Variants in UTRN observed in about 807,000 individuals in gnomAD.
UTRN encodes the protein utrophin, also known as dystrophin-related protein 1.
A neutral mutation model predicts 463.9 loss-of-function variants in UTRN; 283 were observed. The ratio of observed to expected loss-of-function variants is 0.61; its 90% CI spans 0.55 to 0.67. The LOEUF (loss-of-function observed/expected upper bound fraction) is 0.67. Among genes scored for constraint, UTRN ranks in the 30% least tolerant of loss-of-function variants. UTRN has a pLI of 0.00. For synonymous variants in UTRN, 1,442 were observed against 1,431.5 expected (o/e 1.01, Z -0.17); for missense variants, 3,922 against 4,084.3 (o/e 0.96, Z 1.08).
At chr6:144,444,431 C>T in intron 14 of UTRN, 49 bp downstream of exon 14, 4 of 1,428,182 alleles carry the variant, frequency 2.8e-6, no homozygotes, top group East Asian at 2.5e-5. Context: ...GAAAAGTAAC[C>T]CATCTTTTAT....
chr6:144,663,666 G>T (rs1481075663), intron 51 of UTRN, among the ~76,000 whole-genome samples: 1 of 152,086 alleles, frequency 6.6e-6, no homozygotes, highest in East Asian at 1.9e-4. Flanking sequence ...GTATGTGTCT[G>T]CTGTGTGTGT....
intron 2 of UTRN, among the ~76,000 whole-genome samples, chr6:144,311,293 T>C (rs746639361): frequency 7.9e-5 from 12 of 152,234 alleles, no homozygotes; most frequent in Non-Finnish European, 1.5e-4. Flanking sequence ...AATGTGACGA[T>C]GCATTGCTGA....
chr6:144,627,241 G>A (rs576955067), intron 51 of UTRN, among the ~76,000 whole-genome samples: 11 of 152,268 alleles, frequency 7.2e-5, no homozygotes, highest in African/African-American at 1.9e-4. Flanking sequence ...TTGCACAAGG[G>A]CATTACATCT....
Position 144,711,089 on chromosome 6 carries a change from G to A in UTRN, c.7809+10846G>A, listed in dbSNP as rs117668996. ...TCCCAGCACTTTGGGAAGCCGAGGC[G>A]GGTGGATCACTTGAGGCCAGGAGTT... is the stretch of plus-strand genomic sequence containing the variant. On this transcript the variant is annotated intron_variant, in intron 53 of 74. Coordinates refer to ENST00000367545, the MANE Select transcript of UTRN (RefSeq NM_007124.3). Among the ~76,000 whole-genome samples, 711 of 152,232 alleles carry A rather than the reference G, an allele frequency of 4.7e-3. 32 individuals are homozygous for A. The East Asian group carries it at 0.095, about 20-fold the overall frequency.
At position 144,631,237 on chromosome 6, in the gene UTRN, GGTGTGT is replaced by G. The variant is rs67332744; in HGVS notation, c.7480-47140_7480-47135del. ...TGAGTGTGTGTGTGTGAGAGAGAGA[GGTGTGT>G]GTGTGTGTGTGTGTGTGTGTGTGTG... On this transcript the variant is annotated intron_variant, in intron 51 of 74. Coordinates refer to ENST00000367545, the MANE Select transcript of UTRN (RefSeq NM_007124.3). Among the ~76,000 whole-genome samples the G allele has an allele frequency of 2.8e-3, 407 of 147,518 alleles. 2 individuals are homozygous for G. Among genetic ancestry groups the G allele is most frequent in the East Asian group, 5.5e-3 (28 of 5,050 alleles).
intron 2 of UTRN, among the ~76,000 whole-genome samples, chr6:144,302,187 C>T (rs755721813): frequency 5.9e-5 from 9 of 152,100 alleles, no homozygotes; most frequent in Non-Finnish European, 1.2e-4. Context: ...TAGCCTTTAG[C>T]TTAGTCTCCA....
chr6:144,670,681 T>G (rs1194117222), intron 51 of UTRN, among the ~76,000 whole-genome samples: 2 of 152,204 alleles, frequency 1.3e-5, no homozygotes, highest in East Asian at 3.8e-4. Context: ...TGCATTTGCT[T>G]TTGGGTTCTT....
intron 69 of UTRN, among the ~76,000 whole-genome samples, chr6:144,832,982 A>G (rs868382262): frequency 5.9e-5 from 9 of 151,978 alleles, no homozygotes; most frequent in Middle Eastern, 3.4e-3. Context: ...ACCAAGCCCA[A>G]CTAATTTTTG....
chr6:144,788,434 G>T (rs184890881), intron 61 of UTRN, among the ~76,000 whole-genome samples: 50 of 152,146 alleles, frequency 3.3e-4, no homozygotes, highest in Non-Finnish European at 2.4e-4. Flanking sequence ...TTTCTAGTCT[G>T]TGTTCTTGTT....
chr6:144,451,659 G>C (rs957593086), intron 18 of UTRN, among the ~76,000 whole-genome samples, 166 bp downstream of exon 18: 1 of 150,884 alleles, frequency 6.6e-6, no homozygotes, highest in Non-Finnish European at 1.5e-5. Context: ...ATTCATGCTA[G>C]CTGTCATCAG....
chr6:144,286,479 A>G lies in UTRN; in HGVS notation c.-93+658A>G, dbSNP rs533951444. Among the ~76,000 whole-genome samples, 23 of 152,094 alleles carry G rather than the reference A, an allele frequency of 1.5e-4. 2 individuals are homozygous for G. In the South Asian group the frequency reaches 4.4e-3, roughly 29 times the overall value. On this transcript the variant is annotated intron_variant, in intron 1 of 74. Transcript: ENST00000367545. This position sits in a 1 kb window ranked among gnomAD's most constrained non-coding sequence, Gnocchi z 4.4. ...GCGGCCCTGGAGAGACTGAGGGGAC[A>G]GGAGGAGGGGGGCGCCCCATTGGTG...
At position 144,810,298 on chromosome 6, in the gene UTRN, A is replaced by T. The variant is rs115477217; in HGVS notation, c.9357+7151A>T. On this transcript the variant is annotated intron_variant, in intron 65 of 74. Coordinates refer to ENST00000367545, the MANE Select transcript of UTRN (RefSeq NM_007124.3). ...CATATTTGGAGGTAGTGTGTCCTGA[A>T]CCCTTGCCAAGTGTAAACATCCTTT... Among the ~76,000 whole-genome samples, 231 of 152,282 alleles carry T rather than the reference A, an allele frequency of 1.5e-3. 1 individual carries two copies. Among genetic ancestry groups the T allele is most frequent in the African/African-American group, 5.1e-3 (212 of 41,558 alleles).
intron 41 of UTRN, among the ~76,000 whole-genome samples, chr6:144,527,986 C>T (rs1029420856): frequency 6.7e-6 from 1 of 149,334 alleles, no homozygotes. Flanking sequence ...TCTGGCAATT[C>T]AGAGATTTTG....
chr6:144,347,850 G>GTTTTTTTTTT (rs1340536493), intron 2 of UTRN, among the ~76,000 whole-genome samples: 1 of 128,600 alleles, frequency 7.8e-6, no homozygotes, highest in African/African-American at 3.4e-5. Context: ...TTTTTTTTTT[G>GTTTTTTTTTT]TTTTTTTTTT....
At chr6:144,304,150 A>G (rs849669) in intron 2 of UTRN, among the ~76,000 whole-genome samples, 47,713 of 152,164 alleles carry the variant, frequency 0.31, 7,836 homozygotes, top group South Asian at 0.46. Flanking sequence ...TACTGTTTGT[A>G]AGTTCATCTT....
At chr6:144,319,341 G>A (rs1775483552) in intron 2 of UTRN, among the ~76,000 whole-genome samples, 2 of 152,052 alleles carry the variant, frequency 1.3e-5, no homozygotes, top group Non-Finnish European at 2.9e-5. Flanking sequence ...CAGAGACTTC[G>A]ACACTTAAGG....
chr6:144,473,013 G>C (rs946616479), intron 23 of UTRN, among the ~76,000 whole-genome samples: 7 of 152,048 alleles, frequency 4.6e-5, no homozygotes, highest in Non-Finnish European at 8.8e-5. Flanking sequence ...GTGATCCGTA[G>C]CCTGGGCCTC....
chr6:144,835,574 G>T (rs963641394), intron 69 of UTRN, among the ~76,000 whole-genome samples: 2 of 152,130 alleles, frequency 1.3e-5, no homozygotes, highest in African/African-American at 2.4e-5. Flanking sequence ...TGAAAGAGAA[G>T]CCTGAAATGT....
At chr6:144,443,128 T>G (rs1226455875) in intron 13 of UTRN, among the ~76,000 whole-genome samples, 2 of 152,200 alleles carry the variant, frequency 1.3e-5, no homozygotes, top group Admixed American at 1.3e-4. Flanking sequence ...ACAGATAAAT[T>G]TATTGGTATT....
Sources: gnomAD v4.1 joint callset for allele counts (sites outside exome capture counted in the v4.1 genomes callset) on GRCh38, gnomAD v4.1.1 for gene constraint, Gnocchi (gnomAD v3.1) non-coding constraint, MANE v1.5 for transcripts, NCBI Gene and HGNC (gene_info 2026-07-23, HGNC 2026-07-21) for gene names.